EPN2: variants seen among roughly 807,000 people sequenced by gnomAD.
EPN2 encodes epsin-2.
Under a neutral mutation model 61.7 loss-of-function variants are expected in EPN2, and 34 were observed. The observed-to-expected ratio is 0.55, with a 90% CI of 0.42 to 0.73. The LOEUF (loss-of-function observed/expected upper bound fraction) is 0.73. Ranked by LOEUF, EPN2 falls within the 30% of genes least tolerant of loss-of-function variation. EPN2 has a pLI of 0.00. For missense variants in EPN2, 714 were observed against 839.2 expected (o/e 0.85, Z 1.84); for synonymous variants, 349 against 353.6 (o/e 0.99, Z 0.15).
rs8068626 is a variant in EPN2 at position 19,335,257 on chromosome 17, A to C, written c.*1003A>C. 0.013 allele frequency: 9,530 copies of C among 718,310 alleles called. 638 individuals are homozygous for C. In the African/African-American group the frequency reaches 0.15, roughly 11 times the overall value. 44.5% of individuals were successfully genotyped at this position (718,310 alleles called of 1,614,324 possible). ...AGCTCCTGTTTTTGGTGAATTACTA[A>C]ACTGATTGACTTTCAGCCTTTTTGG... On this transcript the variant is annotated 3_prime_UTR_variant, in exon 11 of 11. Transcript: ENST00000314728.
chr17:19,245,836 T>C (rs1373917478), intron 1 of EPN2, among the ~76,000 whole-genome samples: 1 of 152,014 alleles, frequency 6.6e-6, no homozygotes, highest in Non-Finnish European at 1.5e-5. Flanking sequence ...GTAATTTTTT[T>C]GTATTTTTAG....
At chr17:19,264,805 A>G (rs903423423) in intron 1 of EPN2, among the ~76,000 whole-genome samples, 2 of 152,222 alleles carry the variant, frequency 1.3e-5, no homozygotes, top group South Asian at 2.1e-4. Context: ...TGTGCCAGGC[A>G]CTGTGCCAGG....
In EPN2 at chr17:19,285,615, C is replaced by G; in HGVS notation, c.596-5C>G. On this transcript the variant is annotated splice_region_variant and splice_polypyrimidine_tract_variant and intron_variant, in intron 3 of 10. Coordinates refer to ENST00000314728, the MANE Select transcript of EPN2 (RefSeq NM_014964.5). This position sits in a 1 kb window ranked among gnomAD's most constrained non-coding sequence, Gnocchi z 4.5. ...TGTGTGTGTGTGTGTGTCCCTGCCC[C>G]ACAGCGCCTGAGGCCTCGCTGTGCC... 2 of 1,531,250 alleles carry G rather than the reference C, an allele frequency of 1.3e-6. No homozygotes were observed. Among genetic ancestry groups the G allele is most frequent in the Non-Finnish European group, 1.8e-6 (2 of 1,136,794 alleles). 94.9% of individuals were successfully genotyped at this position (1,531,250 alleles called of 1,614,324 possible). A position where few individuals can be genotyped will look rare whatever the true frequency, so the allele number is the denominator to read the frequency against.
At chr17:19,333,323 A>T (rs932956726) in intron 10 of EPN2, among the ~76,000 whole-genome samples, 1 of 152,026 alleles carries the variant, frequency 6.6e-6, no homozygotes, top group African/African-American at 2.4e-5. Context: ...GCCAAGATGG[A>T]GGAGGTTTGG....
rs1171139917 is a variant in EPN2 at position 19,239,109 on chromosome 17, CAA to C, written c.-294+1579_-294+1580del. 3.9e-5 allele frequency among the ~76,000 whole-genome samples: 6 copies of C among 152,294 alleles called. No homozygotes were observed. In the East Asian group the frequency reaches 1.2e-3, roughly 29 times the overall value. On this transcript the variant is annotated intron_variant, in intron 1 of 10. Coordinates refer to ENST00000314728, the MANE Select transcript of EPN2 (RefSeq NM_014964.5). ...ACTTGTTCGGTGCTTGTTTTTGGGA[CAA>C]GTGATTGTGTTGGGGAAGCGCACCT...
chr17:19,335,729 A>G lies in EPN2; in HGVS notation c.*1475A>G, dbSNP rs576556273. 4.6e-5 allele frequency: 16 copies of G among 351,460 alleles called. No homozygotes were observed. The highest frequency in any genetic ancestry group is 7.6e-5 in the Non-Finnish European group (15 of 196,392). 21.8% of individuals were successfully genotyped at this position (351,460 alleles called of 1,614,324 possible). On this transcript the variant is annotated 3_prime_UTR_variant, in exon 11 of 11. Transcript: ENST00000314728. ...ATTCTCTTGTATTTTGGAGATGAAG[A>G]AAAAAGTCATTCACCTGGGAGGGAT...
chr17:19,334,493 G>A lies in EPN2; in HGVS notation c.*239G>A, dbSNP rs1567872951. 5.3e-6 allele frequency: 2 copies of A among 377,394 alleles called. No homozygotes were observed. The highest frequency in any genetic ancestry group is 9.4e-6 in the Non-Finnish European group (2 of 212,624). The allele number at this position is 377,394 out of a possible 1,614,324, so 23.4% of individuals were successfully genotyped here. A position where few individuals can be genotyped will look rare whatever the true frequency, so the allele number is the denominator to read the frequency against. On this transcript the variant is annotated 3_prime_UTR_variant, in exon 11 of 11. Coordinates refer to ENST00000314728, the MANE Select transcript of EPN2 (RefSeq NM_014964.5). This position sits in a 1 kb window ranked among gnomAD's most constrained non-coding sequence, Gnocchi z 4.9. ...TCCAAAGCACTGAGGTCCTGGCAGG[G>A]CTCCTCTGAGGCCTTGGACGAGGAC...
At chr17:19,263,722 ATT>A (rs2152209036) in intron 1 of EPN2, among the ~76,000 whole-genome samples, 1 of 152,326 alleles carries the variant, frequency 6.6e-6, no homozygotes, top group South Asian at 2.1e-4. Context: ...CATTCAGTAA[ATT>A]ATAGCTGTCA....
intron 7 of EPN2, among the ~76,000 whole-genome samples, chr17:19,323,749 A>G (rs1056103933): frequency 2.0e-5 from 3 of 152,250 alleles, no homozygotes; most frequent in Non-Finnish European, 2.9e-5. Flanking sequence ...GATATTTTAA[A>G]TTTGGAAACA....
At chr17:19,324,839 A>G (rs1396030025) in intron 7 of EPN2, among the ~76,000 whole-genome samples, 2 of 152,248 alleles carry the variant, frequency 1.3e-5, no homozygotes, top group African/African-American at 4.8e-5. Context: ...AAGACAAGTC[A>G]GTAATTGAAA....
intron 4 of EPN2, among the ~76,000 whole-genome samples, chr17:19,307,088 G>A (rs990087839): frequency 2.0e-5 from 3 of 152,124 alleles, no homozygotes; most frequent in Non-Finnish European, 4.4e-5. Context: ...TGAGAGTTCT[G>A]ATTGGCATAG....
chr17:19,285,871 A>G lies in EPN2; in HGVS notation c.766+81A>G. On this transcript the variant is annotated intron_variant, in intron 4 of 10. Coordinates refer to ENST00000314728, the MANE Select transcript of EPN2 (RefSeq NM_014964.5). This position sits in a 1 kb window ranked among gnomAD's most constrained non-coding sequence, Gnocchi z 4.5. Reference sequence around the variant, plus strand: ...GTGTGCTTGCCATGCCAGTACAGCCAACTCTCTCCCTGTCTCCTCTGGGCC... The same window carrying G: ...GTGTGCTTGCCATGCCAGTACAGCCGACTCTCTCCCTGTCTCCTCTGGGCC... 1 of 1,438,976 alleles carries G rather than the reference A, an allele frequency of 6.9e-7. No homozygotes were observed. Among genetic ancestry groups the G allele is most frequent in the Non-Finnish European group, 9.2e-7 (1 of 1,086,260 alleles). 89.1% of individuals were successfully genotyped at this position (1,438,976 alleles called of 1,614,324 possible).
In EPN2 at chr17:19,283,252, G is replaced by A. The variant is rs750267434; in HGVS notation, c.133G>A (p.Asp45Asn). 6.2e-6 allele frequency: 10 copies of A among 1,614,104 alleles called. No homozygotes were observed. Among genetic ancestry groups the A allele is most frequent in the East Asian group, 2.2e-5 (1 of 44,882 alleles). ...PSSSLMTEIA[D>N]LTYNVVAFSE... ...CAGTTCTCTGATGACCGAGATTGCC[G>A]ACCTGACCTACAACGTGGTGGCCTT... Residue 45 changes from aspartate to asparagine, a missense_variant, in exon 3 of 11, where the codon GAC (aspartate) becomes AAC (asparagine). Transcript: ENST00000314728. This position sits in a 1 kb window ranked among gnomAD's most constrained non-coding sequence, Gnocchi z 7.0.
chr17:19,332,123 G>A, intron 10 of EPN2, 55 bp downstream of exon 10: 1 of 1,366,656 alleles, frequency 7.3e-7, no homozygotes, highest in Non-Finnish European at 1.0e-6. Flanking sequence ...GAATGGGTGT[G>A]CAGCAGGCCT....
chr17:19,331,613 C>G (rs1907156857), intron 9 of EPN2, among the ~76,000 whole-genome samples: 1 of 151,986 alleles, frequency 6.6e-6, no homozygotes, highest in South Asian at 2.1e-4. Context: ...TCTTTTATAA[C>G]CTGCTTTAGT....
At chr17:19,291,203 A>T (rs1421124048) in intron 4 of EPN2, among the ~76,000 whole-genome samples, 1 of 152,210 alleles carries the variant, frequency 6.6e-6, no homozygotes, top group East Asian at 1.9e-4. Context: ...ATTTGGTTTG[A>T]TACTGTGCAG....
In EPN2 at chr17:19,334,173, AATGATGAAC is replaced by A; in HGVS notation, c.1849_1857del (p.Met617_Met619del). 1 of 1,588,682 alleles carries A rather than the reference AATGATGAAC, an allele frequency of 6.3e-7. No individual in the cohort carries two copies. Among genetic ancestry groups the A allele is most frequent in the South Asian group, 1.1e-5 (1 of 87,198 alleles). On this transcript the variant is annotated inframe_deletion, in exon 11 of 11. Coordinates refer to ENST00000314728, the MANE Select transcript of EPN2 (RefSeq NM_014964.5). The surrounding 1 kb of genome is among the most constrained non-coding windows in gnomAD (Gnocchi z 4.9). ...CCTCTCTGACACCACTGGGCCCTGC[AATGATGAAC>A]ATGGTGGGCAGTGTGGGTATACCCC...
intron 1 of EPN2, among the ~76,000 whole-genome samples, chr17:19,259,220 T>C (rs1422233156): frequency 2.6e-5 from 4 of 152,158 alleles, no homozygotes; most frequent in Non-Finnish European, 5.9e-5. Context: ...GTTTCTCCTT[T>C]TGGTGATAGG....
Position 19,265,117 on chromosome 17 carries a change from G to A in EPN2, c.-293-16838G>A, listed in dbSNP as rs554337101. On this transcript the variant is annotated intron_variant, in intron 1 of 10. Transcript: ENST00000314728. ...GTGACCAAGAAGGTCCGGTGGCCAG[G>A]CATGGTGGCTCACACTTACAATCTC... Among the ~76,000 whole-genome samples, 6 of 152,256 alleles carry A rather than the reference G, an allele frequency of 3.9e-5. No individual in the cohort carries two copies. In the East Asian group the frequency reaches 1.2e-3, roughly 29 times the overall value.
Sources: gnomAD v4.1 joint callset for allele counts (sites outside exome capture counted in the v4.1 genomes callset) on GRCh38, gnomAD v4.1.1 for gene constraint, Gnocchi (gnomAD v3.1) non-coding constraint, MANE v1.5 for transcripts, NCBI Gene and HGNC (gene_info 2026-07-23, HGNC 2026-07-21) for gene names.